Variants in RYR3 observed in about 807,000 individuals in gnomAD.
RYR3 encodes the protein ryanodine receptor 3, also known as brain ryanodine receptor-calcium release channel.
In RYR3, 207 loss-of-function variants were observed where a neutral mutation model predicts 584.3. That is an observed-to-expected ratio of 0.35 (90% CI 0.32 to 0.40). The LOEUF (loss-of-function observed/expected upper bound fraction) is 0.40, where lower values mean the gene tolerates loss of function less well. Ranked by LOEUF, RYR3 falls within the 10% of genes least tolerant of loss-of-function variation. RYR3 has a pLI of 1.00. For missense variants in RYR3, 5,616 were observed against 6,089.2 expected (o/e 0.92, Z 2.59); for synonymous variants, 2,416 against 2,248.5 (o/e 1.07, Z -2.11).
chr15:33,686,641 C>A (rs2065029849), intron 38 of RYR3, among the ~76,000 whole-genome samples: 2 of 152,300 alleles, frequency 1.3e-5, no homozygotes, highest in South Asian at 4.1e-4. Flanking sequence ...AACTTTAGAC[C>A]AATACCCCTG....
intron 1 of RYR3, among the ~76,000 whole-genome samples, chr15:33,317,818 T>A (rs79166622): frequency 6.6e-6 from 1 of 152,044 alleles, no homozygotes; most frequent in Admixed American, 6.6e-5. Context: ...ACAGTCATAC[T>A]CTGGGCTATT....
chr15:33,669,478 T>G (rs374722197), intron 37 of RYR3, 22 bp downstream of exon 37: 2 of 1,596,490 alleles, frequency 1.3e-6, no homozygotes, highest in African/African-American at 2.7e-5. Context: ...AGAGAAAGGC[T>G]TTGTCCTTTT....
At chr15:33,666,048 A>G (rs2063477707) in intron 36 of RYR3, among the ~76,000 whole-genome samples, 1 of 152,140 alleles carries the variant, frequency 6.6e-6, no homozygotes, top group Admixed American at 6.5e-5. Flanking sequence ...TCTGTCATGC[A>G]GGCTGGGATG....
At chr15:33,717,369 T>C (rs1114988) in intron 43 of RYR3, among the ~76,000 whole-genome samples, 46,220 of 152,124 alleles carry the variant, frequency 0.3, 8,107 homozygotes, top group East Asian at 0.64. Context: ...CCGAGGATTC[T>C]CCATCTCCTT....
intron 1 of RYR3, among the ~76,000 whole-genome samples, chr15:33,435,868 C>T (rs571503724): frequency 1.3e-5 from 2 of 152,298 alleles, no homozygotes; most frequent in African/African-American, 2.4e-5. Flanking sequence ...TGGCAAGGAA[C>T]CCAAGTGAGT....
intron 43 of RYR3, among the ~76,000 whole-genome samples, chr15:33,710,625 T>G (rs2067040987): frequency 6.6e-6 from 1 of 152,270 alleles, no homozygotes; most frequent in Non-Finnish European, 1.5e-5. Context: ...AGGTATTCTG[T>G]GAGGCTCCAC....
chr15:33,748,716 G>A (rs2070988161), intron 55 of RYR3, among the ~76,000 whole-genome samples, 186 bp downstream of exon 55: 1 of 152,124 alleles, frequency 6.6e-6, no homozygotes, highest in African/African-American at 2.4e-5. Flanking sequence ...ATCCTCCAAG[G>A]GGAGGCTTTG....
At chr15:33,818,239 G>A (rs1596780631) in intron 75 of RYR3, among the ~76,000 whole-genome samples, 3 of 152,246 alleles carry the variant, frequency 2.0e-5, no homozygotes, top group African/African-American at 4.8e-5. Flanking sequence ...TCCTGAACTC[G>A]GGTGCCCAGA....
chr15:33,787,770 A>T (rs1413863257), intron 66 of RYR3, among the ~76,000 whole-genome samples: 2 of 99,178 alleles, frequency 2.0e-5, no homozygotes, highest in African/African-American at 5.5e-5. Flanking sequence ...ATTGTTCTGT[A>T]AAATAACCAG....
At chr15:33,582,916 T>C (rs1248396083) in intron 14 of RYR3, among the ~76,000 whole-genome samples, 2 of 152,240 alleles carry the variant, frequency 1.3e-5, no homozygotes, top group African/African-American at 4.8e-5. Flanking sequence ...AAGGGCAAGC[T>C]ACTTGGGGGC....
At chr15:33,794,090 A>C (rs1322535685) in intron 67 of RYR3, among the ~76,000 whole-genome samples, 2 of 127,576 alleles carry the variant, frequency 1.6e-5, no homozygotes, top group East Asian at 2.0e-4. Flanking sequence ...ATATATACAT[A>C]ATATATATTA....
At chr15:33,669,877 T>TGG (rs2063733942) in intron 37 of RYR3, among the ~76,000 whole-genome samples, 1 of 31,410 alleles carries the variant, frequency 3.2e-5, no homozygotes, top group Non-Finnish European at 8.3e-5. Flanking sequence ...TGTGGGTGTG[T>TGG]GTGGTGTGTG....
rs185941792 is a variant in RYR3, at chr15:33,513,550, C to A, written c.279+9812C>A. Among the ~76,000 whole-genome samples the A allele has an allele frequency of 9.0e-4, 137 of 152,356 alleles. 1 individual carries two copies. The highest frequency in any genetic ancestry group is 3.2e-3 in the African/African-American group (132 of 41,590). ...CTCTGCAGAGGGCTGAAATGGTTATCTGCAAAGTAAGACGAAAGCTGAAGG... is the reference window on the plus strand; with the variant it reads ...CTCTGCAGAGGGCTGAAATGGTTATATGCAAAGTAAGACGAAAGCTGAAGG... On this transcript the variant is annotated intron_variant, in intron 3 of 103. Transcript: ENST00000634891.
intron 69 of RYR3, among the ~76,000 whole-genome samples, chr15:33,803,195 G>A (rs1043101783): frequency 1.3e-5 from 2 of 152,214 alleles, no homozygotes; most frequent in African/African-American, 4.8e-5. Flanking sequence ...CTTTTAGTAT[G>A]CATTGCTTGA....
chr15:33,485,784 G>T (rs1307505023), intron 2 of RYR3, among the ~76,000 whole-genome samples: 1 of 152,200 alleles, frequency 6.6e-6, no homozygotes. Context: ...GAAGAAAGTG[G>T]ATTGTTAAAT....
intron 36 of RYR3, 44 bp downstream of exon 36, chr15:33,663,781 C>T: frequency 1.3e-6 from 2 of 1,518,912 alleles, no homozygotes; most frequent in Non-Finnish European, 1.8e-6. Flanking sequence ...TATGGAAGAA[C>T]TTGAGACCTA....
rs767231176 is a variant in RYR3, at chr15:33,802,082, A to T, written c.10011+121A>T. 2.0e-5 allele frequency: 16 copies of T among 782,454 alleles called. No individual in the cohort carries two copies. The African/African-American group carries it at 2.7e-4, about 13-fold the overall frequency. The allele number at this position is 782,454 out of a possible 1,614,324, so 48.5% of individuals were successfully genotyped here. On this transcript the variant is annotated intron_variant, in intron 69 of 103. Transcript: ENST00000634891. ...GCATTTAGGTCAAACTACATGACCA[A>T]CAGTCTCTGCTGCTGTTTCTTTGAG...
intron 94 of RYR3, chr15:33,849,928 A>C (rs990974386): frequency 4.6e-5 from 7 of 152,272 alleles, no homozygotes; most frequent in African/African-American, 1.4e-4. Flanking sequence ...CAATCTTCTC[A>C]CACAAGGAAA....
At chr15:33,597,762 C>G (rs955202485) in intron 16 of RYR3, among the ~76,000 whole-genome samples, 2 of 151,708 alleles carry the variant, frequency 1.3e-5, no homozygotes, top group African/African-American at 4.8e-5. Context: ...AGTTTAAGAG[C>G]TTTTATTTTT....
Sources: gnomAD v4.1 joint callset for allele counts (sites outside exome capture counted in the v4.1 genomes callset) on GRCh38, gnomAD v4.1.1 for gene constraint, MANE v1.5 for transcripts, NCBI Gene and HGNC (gene_info 2026-07-23, HGNC 2026-07-21) for gene names.